CCSER1: variants seen among roughly 807,000 people sequenced by gnomAD.
CCSER1 encodes coiled-coil serine rich protein 1.
A neutral mutation model predicts 82.0 loss-of-function variants in CCSER1; 41 were observed. The observed-to-expected ratio is 0.50, with a 90% CI of 0.39 to 0.65. CCSER1 has a LOEUF of 0.65. CCSER1 is among the 30% of genes least tolerant of loss of function. The pLI is 0.00. For synonymous variants in CCSER1, 414 were observed against 383.9 expected (o/e 1.08, Z -0.92); for missense variants, 1,119 against 1,064.2 (o/e 1.05, Z -0.72).
In CCSER1 at chr4:91,018,142, A is replaced by G. The variant is rs570499329; in HGVS notation, c.2173-67808A>G. On this transcript the variant is annotated intron_variant, in intron 9 of 10. Transcript: ENST00000509176. ...CTCATGAGCATGTTTTTTGTTTCAAATTAATACTTCGCACAATTCTTTCAT... is the reference window on the plus strand; with the variant it reads ...CTCATGAGCATGTTTTTTGTTTCAAGTTAATACTTCGCACAATTCTTTCAT... 5.9e-5 allele frequency among the ~76,000 whole-genome samples: 9 copies of G among 152,066 alleles called. No individual in the cohort carries two copies. The South Asian group carries it at 1.0e-3, about 17-fold the overall frequency.
At chr4:90,476,240 G>A (rs1213709879) in intron 5 of CCSER1, among the ~76,000 whole-genome samples, 4 of 152,114 alleles carry the variant, frequency 2.6e-5, no homozygotes, top group Non-Finnish European at 5.9e-5. Context: ...CCTTACATAA[G>A]ATGCATTTCC....
chr4:91,593,923 A>T (rs1448771380), intron 10 of CCSER1, among the ~76,000 whole-genome samples: 1 of 152,194 alleles, frequency 6.6e-6, no homozygotes, highest in Non-Finnish European at 1.5e-5. Flanking sequence ...CATTTGATGA[A>T]ATACAGGCTA....
chr4:90,401,820 T>C (rs1752919917), intron 4 of CCSER1, among the ~76,000 whole-genome samples: 1 of 152,198 alleles, frequency 6.6e-6, no homozygotes, highest in Non-Finnish European at 1.5e-5. Context: ...TGAGTCACCA[T>C]GGCCACCCGA....
intron 10 of CCSER1, among the ~76,000 whole-genome samples, chr4:91,148,823 T>C (rs1019756687): frequency 2.6e-5 from 4 of 152,214 alleles, no homozygotes; most frequent in African/African-American, 9.6e-5. Flanking sequence ...CTCATCCTTT[T>C]TTATGGCTGC....
rs1167374788 is a variant in CCSER1 at position 91,386,963 on chromosome 4, G to C, written c.2218-211609G>C. ...GTTCCAGATTTATGGGGACTAAAAAGACATGGCAACCAAATGTAATACATA... is the reference window on the plus strand; with the variant it reads ...GTTCCAGATTTATGGGGACTAAAAACACATGGCAACCAAATGTAATACATA... On this transcript the variant is annotated intron_variant, in intron 10 of 10. Coordinates refer to ENST00000509176, the MANE Select transcript of CCSER1 (RefSeq NM_001145065.2). 2.0e-5 allele frequency among the ~76,000 whole-genome samples: 3 copies of C among 151,908 alleles called. No homozygotes were observed. In the East Asian group the frequency reaches 5.8e-4, roughly 29 times the overall value.
intron 1 of CCSER1, among the ~76,000 whole-genome samples, chr4:90,180,465 C>A (rs1440277400): frequency 1.3e-5 from 2 of 151,834 alleles, no homozygotes; most frequent in African/African-American, 4.8e-5. Context: ...GGCAGGCACC[C>A]ATGGTCCCAG....
At position 91,169,392 on chromosome 4, in the gene CCSER1, G is replaced by A. The variant is rs180891256; in HGVS notation, c.2217+83398G>A. Among the ~76,000 whole-genome samples the A allele has an allele frequency of 5.8e-3, 885 of 152,104 alleles. 12 individuals carry two copies. The highest frequency in any genetic ancestry group is 0.02 in the African/African-American group (818 of 41,492). On this transcript the variant is annotated intron_variant, in intron 10 of 10. Transcript: ENST00000509176. ...TCCCAGCACTTTGGGAGGCCGAGGC[G>A]GGTGGATCATTTGAGGTCAGGAGTT...
intron 10 of CCSER1, among the ~76,000 whole-genome samples, chr4:91,237,144 C>T (rs561031768): frequency 1.3e-5 from 2 of 152,038 alleles, no homozygotes; most frequent in Admixed American, 1.3e-4. Flanking sequence ...TTTTTCATTG[C>T]AATAAAATCA....
intron 8 of CCSER1, among the ~76,000 whole-genome samples, chr4:90,825,689 A>G (rs1760328805): frequency 1.3e-5 from 2 of 151,794 alleles, no homozygotes; most frequent in Non-Finnish European, 2.9e-5. Context: ...TGGGCATGGC[A>G]AAACAATTGG....
chr4:90,140,537 CAA>C (rs1724545221), intron 1 of CCSER1, among the ~76,000 whole-genome samples: 1 of 151,684 alleles, frequency 6.6e-6, no homozygotes, highest in Admixed American at 6.6e-5. Context: ...GACATGAAGA[CAA>C]ACTTGTATCA....
intron 9 of CCSER1, among the ~76,000 whole-genome samples, chr4:90,994,397 C>T (rs1293143288): frequency 6.6e-6 from 1 of 151,852 alleles, no homozygotes; most frequent in Non-Finnish European, 1.5e-5. Context: ...TTATTGAATA[C>T]TGTACCAAAA....
At chr4:91,075,383 A>G (rs1344866795) in intron 9 of CCSER1, among the ~76,000 whole-genome samples, 1 of 152,086 alleles carries the variant, frequency 6.6e-6, no homozygotes, top group Non-Finnish European at 1.5e-5. Flanking sequence ...GAGGGAAATG[A>G]ATTTTTTCCA....
At position 91,113,907 on chromosome 4, in the gene CCSER1, C is replaced by T. The variant is rs1008659100; in HGVS notation, c.2217+27913C>T. 4.6e-5 allele frequency among the ~76,000 whole-genome samples: 7 copies of T among 150,988 alleles called. No individual in the cohort carries two copies. In the East Asian group the frequency reaches 5.9e-4, roughly 13 times the overall value. On this transcript the variant is annotated intron_variant, in intron 10 of 10. Coordinates refer to ENST00000509176, the MANE Select transcript of CCSER1 (RefSeq NM_001145065.2). The stretch of plus-strand genomic sequence containing the variant: ...TCGCTCTGTCGCTCAGGCTGGAGTG[C>T]AGTGGCGCGATCTCGGCTCACTGCA...
intron 9 of CCSER1, among the ~76,000 whole-genome samples, chr4:91,030,273 G>A (rs887636111): frequency 6.6e-6 from 1 of 151,994 alleles, no homozygotes; most frequent in Admixed American, 6.6e-5. Flanking sequence ...GAAGTTAATC[G>A]AGATGCCAAC....
chr4:91,060,923 G>A (rs1743897375), intron 9 of CCSER1, among the ~76,000 whole-genome samples: 1 of 151,886 alleles, frequency 6.6e-6, no homozygotes, highest in Admixed American at 6.6e-5. Context: ...TTTCATAAAA[G>A]GTTTAGTGAT....
intron 9 of CCSER1, among the ~76,000 whole-genome samples, chr4:91,054,232 G>A (rs1462528531): frequency 6.6e-6 from 1 of 152,124 alleles, no homozygotes; most frequent in Non-Finnish European, 1.5e-5. Context: ...TGGGTGAGGT[G>A]AGGGAGCACC....
At chr4:90,261,207 A>G (rs868252407) in intron 1 of CCSER1, among the ~76,000 whole-genome samples, 3 of 151,830 alleles carry the variant, frequency 2.0e-5, no homozygotes, top group Non-Finnish European at 4.4e-5. Context: ...TGTGAGCTTA[A>G]TGCTTTCAGG....
At chr4:90,805,974 A>G (rs1459614185) in intron 7 of CCSER1, among the ~76,000 whole-genome samples, 1 of 152,218 alleles carries the variant, frequency 6.6e-6, no homozygotes. Context: ...GGTTATTGCT[A>G]TCAACCCTCA....
intron 6 of CCSER1, among the ~76,000 whole-genome samples, chr4:90,698,886 C>T (rs1190512174): frequency 1.3e-5 from 2 of 152,100 alleles, no homozygotes; most frequent in African/African-American, 4.8e-5. Context: ...GGGAGGATGG[C>T]TTGAGACTAG....
Sources: allele counts gnomAD v4.1 joint callset (sites outside exome capture counted in the v4.1 genomes callset), GRCh38; gene constraint gnomAD v4.1.1; transcripts MANE v1.5; gene names NCBI Gene and HGNC (gene_info 2026-07-23, HGNC 2026-07-21).